Variants in IQSEC1 observed in about 807,000 individuals in gnomAD.
IQSEC1 encodes the protein IQ motif and SEC7 domain-containing protein 1.
In IQSEC1, 31 loss-of-function variants were observed where a neutral mutation model predicts 91.0. The observed-to-expected ratio is 0.34, with a 90% CI of 0.26 to 0.46. The LOEUF (loss-of-function observed/expected upper bound fraction) is 0.46, where lower values mean the gene tolerates loss of function less well. Among genes scored for constraint, IQSEC1 ranks in the 20% least tolerant of loss-of-function variants. The pLI is 1.00. For missense variants in IQSEC1, 1,388 were observed against 1,575.6 expected (o/e 0.88, Z 2.02); for synonymous variants, 699 against 662.6 (o/e 1.05, Z -0.84).
intron 1 of IQSEC1, among the ~76,000 whole-genome samples, chr3:12,973,475 T>C (rs1014267658): frequency 1.3e-5 from 2 of 152,124 alleles, no homozygotes; most frequent in Non-Finnish European, 2.9e-5. Flanking sequence ...TAGGGAACAT[T>C]GCGCTCCATG....
In IQSEC1 at chr3:12,897,136, AAGTAATGGGGAAACT is replaced by A. The variant is rs1172270814; in HGVS notation, c.*3832_*3846del. ...GAAAGTGAGTGCCCAGAGTCACAAC[AAGTAATGGGGAAACT>A]CATCAGCTGGAGATCTGGGTCTGGC... On this transcript the variant is annotated 3_prime_UTR_variant, in exon 14 of 14. Coordinates refer to ENST00000613206, the MANE Select transcript of IQSEC1 (RefSeq NM_001134382.3). 6.6e-6 allele frequency: 1 copy of A among 152,232 alleles called. No individual in the cohort carries two copies. The allele number at this position is 152,232 out of a possible 1,614,324, so 9.4% of individuals were successfully genotyped here. A position where few individuals can be genotyped will look rare whatever the true frequency, so the allele number is the denominator to read the frequency against.
At chr3:13,276,863 C>G (rs757432388) in intron 1 of IQSEC1, among the ~76,000 whole-genome samples, 3 of 152,128 alleles carry the variant, frequency 2.0e-5, no homozygotes, top group African/African-American at 7.2e-5. Flanking sequence ...TGCAGCCTGG[C>G]CCGGGTCTGC....
At chr3:13,132,200 C>T (rs1706632762) in intron 2 of IQSEC1, among the ~76,000 whole-genome samples, 1 of 152,166 alleles carries the variant, frequency 6.6e-6, no homozygotes, top group African/African-American at 2.4e-5. Flanking sequence ...TGTTTTTAAG[C>T]TTGTTAGGTG....
rs946407196 is a variant in IQSEC1 at position 12,922,072 on chromosome 3, G to T, written c.1853+48C>A. 6.6e-7 allele frequency: 1 copy of T among 1,523,544 alleles called. No individual in the cohort carries two copies. Among genetic ancestry groups the T allele is most frequent in the Non-Finnish European group, 8.9e-7 (1 of 1,127,564 alleles). 94.4% of individuals were successfully genotyped at this position (1,523,544 alleles called of 1,614,324 possible). ...CCATCCTCGGGCCCTGAAGCTGGGG[G>T]ACACCATTCTTCCCTGATGCAGCAG... On this transcript the variant is annotated intron_variant, in intron 5 of 13. Transcript: ENST00000613206. This position sits in a 1 kb window ranked among gnomAD's most constrained non-coding sequence, Gnocchi z 5.1.
chr3:13,098,551 TC>T (rs1391830388), intron 2 of IQSEC1, among the ~76,000 whole-genome samples: 2 of 151,882 alleles, frequency 1.3e-5, no homozygotes, highest in African/African-American at 4.8e-5. Context: ...GGAGAGGGCC[TC>T]ACTGAGAAGG....
upstream of IQSEC1, among the ~76,000 whole-genome samples, chr3:13,078,395 C>T (rs923980): frequency 0.73 from 111,033 of 152,040 alleles, 40,779 homozygotes; most frequent in East Asian, 0.85. Flanking sequence ...TGGGCCCCTG[C>T]GTGCAGAGAC....
At chr3:13,111,914 G>T (rs1439826927) in intron 2 of IQSEC1, among the ~76,000 whole-genome samples, 1 of 152,122 alleles carries the variant, frequency 6.6e-6, no homozygotes, top group Non-Finnish European at 1.5e-5. Flanking sequence ...ATTATTATAG[G>T]ACTCCCAGCA....
At chr3:12,946,736 T>G (rs1173665793) in intron 1 of IQSEC1, among the ~76,000 whole-genome samples, 1 of 152,180 alleles carries the variant, frequency 6.6e-6, no homozygotes, top group Non-Finnish European at 1.5e-5. Context: ...GATGTCATGA[T>G]GTGGCCGAGA....
Position 12,900,984 on chromosome 3 carries a change from T to C in IQSEC1, c.3344A>G (p.Ter1115TrpextTer88). The change falls in exon 14 of 14, where the codon TAG (stop) becomes TGG (tryptophan). Residue 1115 changes from the stop codon to tryptophan (W), a stop_lost. Transcript: ENST00000613206. ...GCCTGGGACCCCTACCCAGGCTGTC[T>C]ACACAATTGTGCTGATGCCGCTGGG... ...AKPSGISTIV* is the reference protein window; with the variant it reads ...AKPSGISTIVW 1.9e-6 allele frequency: 3 copies of C among 1,543,702 alleles called. No homozygotes were observed. Among genetic ancestry groups the C allele is most frequent in the Non-Finnish European group, 2.6e-6 (3 of 1,146,470 alleles).
intron 2 of IQSEC1, among the ~76,000 whole-genome samples, chr3:13,149,324 C>T (rs1048398172): frequency 6.6e-6 from 1 of 151,626 alleles, no homozygotes; most frequent in East Asian, 1.9e-4. Context: ...ATTTGAAAGC[C>T]GTCCTGAAGA....
intron 1 of IQSEC1, among the ~76,000 whole-genome samples, chr3:13,031,030 G>A (rs1703824292): frequency 6.6e-6 from 1 of 152,248 alleles, no homozygotes; most frequent in East Asian, 1.9e-4. Context: ...TCCTTTAAAT[G>A]GAAAACTAGG....
At chr3:13,067,292 C>A (rs1025390697) in intron 1 of IQSEC1, among the ~76,000 whole-genome samples, 2 of 152,166 alleles carry the variant, frequency 1.3e-5, no homozygotes, top group African/African-American at 4.8e-5. Context: ...CGTCAGTAGG[C>A]TTTTGGGGGA....
At chr3:13,006,618 G>A (rs1438368516) in intron 1 of IQSEC1, among the ~76,000 whole-genome samples, 1 of 152,262 alleles carries the variant, frequency 6.6e-6, no homozygotes, top group Non-Finnish European at 1.5e-5. Context: ...AAGACACTAT[G>A]TTCTGTGTAG....
Position 13,193,582 on chromosome 3 carries a change from T to C in IQSEC1, c.273-29449A>G, listed in dbSNP as rs1029220314. On this transcript the variant is annotated intron_variant, in intron 1 of 15. Transcript: ENST00000648114. The surrounding 1 kb of genome is among the most constrained non-coding windows in gnomAD (Gnocchi z 4.2). Reference sequence around the variant, plus strand: ...GGAAGAAAGGGAGGGGAACAGAAGGTGCAGTTTAGGGGGTGAGGAGAGAAG... The same window carrying C: ...GGAAGAAAGGGAGGGGAACAGAAGGCGCAGTTTAGGGGGTGAGGAGAGAAG... Among the ~76,000 whole-genome samples, 1 of 151,962 alleles carries C rather than the reference T, an allele frequency of 6.6e-6. No homozygotes were observed. The highest frequency in any genetic ancestry group is 2.4e-5 in the African/African-American group (1 of 41,354).
intron 2 of IQSEC1, among the ~76,000 whole-genome samples, chr3:13,157,063 C>A (rs1242117515): frequency 6.6e-6 from 1 of 152,190 alleles, no homozygotes; most frequent in Non-Finnish European, 1.5e-5. Flanking sequence ...TCAGCTTAGA[C>A]CCTGGTTTCA....
intron 1 of IQSEC1, chr3:13,015,588 TG>T (rs1703086181): frequency 2.0e-6 from 2 of 985,182 alleles, no homozygotes; most frequent in South Asian, 4.7e-5. Flanking sequence ...AGTCTCAAAG[TG>T]GAGGGGGCGG....
chr3:13,253,435 G>A (rs559015488), intron 1 of IQSEC1, among the ~76,000 whole-genome samples: 1 of 152,166 alleles, frequency 6.6e-6, no homozygotes, highest in Non-Finnish European at 1.5e-5. Flanking sequence ...AAGATGGCGG[G>A]TATTGAGTGG....
Position 13,066,847 on chromosome 3 carries a change from G to A in IQSEC1, c.23+6145C>T, listed in dbSNP as rs568503511. On this transcript the variant is annotated intron_variant, in intron 1 of 13. Coordinates refer to ENST00000613206, the MANE Select transcript of IQSEC1 (RefSeq NM_001134382.3). ...TACAGGCGTAGCCCACAGGCCTGGC[G>A]TGTGTCAGGACGTGGACTAGATGTC... 1.0e-3 allele frequency among the ~76,000 whole-genome samples: 155 copies of A among 152,374 alleles called. 2 individuals are homozygous for A. The highest frequency in any genetic ancestry group is 2.9e-3 in the African/African-American group (122 of 41,592).
At chr3:12,963,432 ACAAACGAG>A (rs2125497294) in intron 1 of IQSEC1, among the ~76,000 whole-genome samples, 1 of 152,390 alleles carries the variant, frequency 6.6e-6, no homozygotes, top group South Asian at 2.1e-4. Flanking sequence ...CTTCAACCTC[ACAAACGAG>A]CAAAAAAGAA....
Sources: allele counts gnomAD v4.1 joint callset (sites outside exome capture counted in the v4.1 genomes callset), GRCh38; gene constraint gnomAD v4.1.1; non-coding constraint Gnocchi (gnomAD v3.1); transcripts MANE v1.5; gene names NCBI Gene and HGNC (gene_info 2026-07-23, HGNC 2026-07-21).